The following SAMMSON variants were observed in gnomAD, a reference collection of about 807,000 sequenced individuals.
SAMMSON encodes the protein survival associated mitochondrial melanoma specific oncogenic non-coding RNA.
At chr3:70,350,207 T>C (rs1038169400) in intron 7 of SAMMSON, among the ~76,000 whole-genome samples, 1 of 152,178 alleles carries the variant, frequency 6.6e-6, no homozygotes, top group African/African-American at 2.4e-5. Flanking sequence ...AAGTTATTAA[T>C]TGAAAATAAT....
At chr3:70,349,811 G>T (rs376781034) in intron 7 of SAMMSON, among the ~76,000 whole-genome samples, 8 of 152,176 alleles carry the variant, frequency 5.3e-5, no homozygotes, top group Admixed American at 1.3e-4. Context: ...TCAGGGGACT[G>T]CTAGACCACT....
chr3:70,110,454 T>C (rs1408213361), intron 4 of SAMMSON, among the ~76,000 whole-genome samples: 4 of 151,732 alleles, frequency 2.6e-5, no homozygotes, highest in Non-Finnish European at 4.4e-5. Flanking sequence ...TGTAGGGGGG[T>C]AGTGTGGAAA....
At chr3:70,108,423 C>CTTT (rs61561713) in intron 4 of SAMMSON, among the ~76,000 whole-genome samples, 3,679 of 89,318 alleles carry the variant, frequency 0.041, 431 homozygotes, top group East Asian at 0.24. Flanking sequence ...CTTGCGGTTC[C>CTTT]TTTTTTTTTT....
intron 9 of SAMMSON, among the ~76,000 whole-genome samples, chr3:70,382,105 A>C (rs1229562238): frequency 6.6e-6 from 1 of 152,158 alleles, no homozygotes; most frequent in Non-Finnish European, 1.5e-5. Context: ...GTGGTACATG[A>C]AATACATATG....
At chr3:70,407,007 C>T (rs193021264) in intron 2 of SAMMSON, among the ~76,000 whole-genome samples, 30 of 152,074 alleles carry the variant, frequency 2.0e-4, no homozygotes, top group East Asian at 3.9e-4. Flanking sequence ...TGGTGGGAGG[C>T]GAAAGGCACT....
chr3:70,423,493 G>C (rs773925102), intron 2 of SAMMSON, among the ~76,000 whole-genome samples: 11 of 152,042 alleles, frequency 7.2e-5, no homozygotes, highest in Non-Finnish European at 1.3e-4. Flanking sequence ...TAGCGTCTGC[G>C]TTTCCAGATT....
chr3:70,065,496 AG>A (rs2067206276), intron 3 of SAMMSON, among the ~76,000 whole-genome samples: 1 of 152,132 alleles, frequency 6.6e-6, no homozygotes, highest in African/African-American at 2.4e-5. Flanking sequence ...AAGGCAAGAA[AG>A]AAAGAAAAGT....
intron 9 of SAMMSON, among the ~76,000 whole-genome samples, chr3:70,378,669 G>C (rs1703040495): frequency 6.6e-6 from 1 of 152,034 alleles, no homozygotes; most frequent in African/African-American, 2.4e-5. Flanking sequence ...ACATAAATGG[G>C]CAATATCTAT....
chr3:70,141,597 C>A (rs1287746739), intron 4 of SAMMSON, among the ~76,000 whole-genome samples: 1 of 152,212 alleles, frequency 6.6e-6, no homozygotes, highest in African/African-American at 2.4e-5. Context: ...CAAGTTGACA[C>A]ACAAACTTAA....
chr3:70,178,539 G>T (rs180780571), intron 4 of SAMMSON, among the ~76,000 whole-genome samples: 5 of 152,280 alleles, frequency 3.3e-5, no homozygotes, highest in Admixed American at 6.5e-5. Context: ...GTTAAACTGA[G>T]AAGGGACTAA....
At chr3:70,101,901 C>A (rs1303383182) in intron 4 of SAMMSON, among the ~76,000 whole-genome samples, 9 of 152,090 alleles carry the variant, frequency 5.9e-5, no homozygotes, top group Admixed American at 5.2e-4. Flanking sequence ...GAAGGTTGAA[C>A]AATGATTAAA....
intron 4 of SAMMSON, among the ~76,000 whole-genome samples, chr3:70,201,119 G>A (rs1460141831): frequency 1.3e-5 from 2 of 151,904 alleles, no homozygotes; most frequent in Admixed American, 6.6e-5. Context: ...GTGTCATGGA[G>A]GTTTATTGGA....
At chr3:70,190,062 T>A (rs1322952630) in intron 4 of SAMMSON, among the ~76,000 whole-genome samples, 2 of 152,208 alleles carry the variant, frequency 1.3e-5, no homozygotes, top group African/African-American at 4.8e-5. Context: ...AAAATATACC[T>A]TGACTTTCCA....
intron 7 of SAMMSON, among the ~76,000 whole-genome samples, chr3:70,342,721 C>T (rs1307239951): frequency 6.6e-6 from 1 of 152,170 alleles, no homozygotes; most frequent in African/African-American, 2.4e-5. Flanking sequence ...AAACCAATGG[C>T]CAAGGGACAG....
At chr3:70,278,153 G>C (rs929075302) in intron 6 of SAMMSON, among the ~76,000 whole-genome samples, 1 of 151,782 alleles carries the variant, frequency 6.6e-6, no homozygotes, top group Admixed American at 6.6e-5. Flanking sequence ...CAATTATTTT[G>C]CCTGTTCTTA....
chr3:70,214,241 C>T (rs972459256), intron 4 of SAMMSON, among the ~76,000 whole-genome samples: 1 of 151,968 alleles, frequency 6.6e-6, no homozygotes, highest in Admixed American at 6.6e-5. Context: ...CAAATGGCAG[C>T]TCTGGTTGGA....
At chr3:70,164,308 C>T (rs1178094024) in intron 4 of SAMMSON, among the ~76,000 whole-genome samples, 2 of 151,968 alleles carry the variant, frequency 1.3e-5, no homozygotes, top group East Asian at 3.9e-4. Context: ...ACTTATCTCT[C>T]TATGACAAAA....
At chr3:70,188,200 G>T (rs528377058) in intron 4 of SAMMSON, among the ~76,000 whole-genome samples, 21 of 152,282 alleles carry the variant, frequency 1.4e-4, no homozygotes, top group African/African-American at 5.1e-4. Context: ...AAGACATGGG[G>T]TTTGAAGTCA....
rs368996306 is a variant in SAMMSON, at chr3:70,211,362, TTGC to T, written n.508-37744_508-37742del. ...CCTTCCTTTTGCCCTTCCCTTCCCT[TTGC>T]CCTTCCCTTCCCTTTCCTTCCTTTC... is the stretch of plus-strand genomic sequence containing the variant. On this transcript the variant is annotated intron_variant and non_coding_transcript_variant, in intron 4 of 9. Coordinates refer to ENST00000642114, the Ensembl canonical transcript of SAMMSON. Among the ~76,000 whole-genome samples, 28 of 16,250 alleles carry T rather than the reference TTGC, an allele frequency of 1.7e-3. 6 individuals are homozygous for T. Among genetic ancestry groups the T allele is most frequent in the African/African-American group, 3.9e-3 (13 of 3,296 alleles). 10.7% of individuals were successfully genotyped at this position (16,250 alleles called of 152,430 possible).
Sources: allele counts gnomAD v4.1 joint callset (sites outside exome capture counted in the v4.1 genomes callset), GRCh38; gene constraint gnomAD v4.1.1; transcripts MANE v1.5; gene names NCBI Gene and HGNC (gene_info 2026-07-23, HGNC 2026-07-21).